The following ANK3 variants were observed in gnomAD, a reference collection of about 807,000 sequenced individuals.
The protein encoded by ANK3 is ankyrin-3.
A neutral mutation model predicts 370.9 loss-of-function variants in ANK3; 57 were observed. The observed-to-expected ratio is 0.15, with a 90% CI of 0.12 to 0.19. The LOEUF is 0.19. Ranked by LOEUF, ANK3 falls within the 10% of genes least tolerant of loss-of-function variation. ANK3 has a pLI of 1.00. For synonymous variants in ANK3, 1,929 were observed against 1,946.3 expected, an observed-to-expected ratio of 0.99 and a Z score of 0.23; for missense variants, 4,439 against 5,302.1, an observed-to-expected ratio of 0.84 and a Z score of 5.06.
At chr10:60,186,581 T>G (rs2096341160) in intron 17 of ANK3, 134 bp downstream of exon 17, 1 of 1,034,144 alleles carries the variant, frequency 9.7e-7, no homozygotes, top group Non-Finnish European at 1.5e-6. Context: ...AAGTAACACT[T>G]TGGTAAACAA....
intron 23 of ANK3, among the ~76,000 whole-genome samples, chr10:60,157,894 G>GAA (rs1239411020): frequency 1.3e-5 from 1 of 78,512 alleles, no homozygotes; most frequent in Non-Finnish European, 3.3e-5. Context: ...AAAAGAGAGA[G>GAA]AGAGAGAGAG....
chr10:60,105,410 C>A (rs959468596), intron 28 of ANK3, among the ~76,000 whole-genome samples: 1 of 152,044 alleles, frequency 6.6e-6, no homozygotes, highest in Non-Finnish European at 1.5e-5. Context: ...ACAACACAGA[C>A]CCCAATAATT....
intron 2 of ANK3, among the ~76,000 whole-genome samples, chr10:60,579,904 T>C (rs1567161627): frequency 6.6e-6 from 1 of 152,076 alleles, no homozygotes; most frequent in Non-Finnish European, 1.5e-5. Flanking sequence ...ATTCAGAAAA[T>C]CCTATAAGAA....
intron 2 of ANK3, among the ~76,000 whole-genome samples, chr10:60,414,516 G>A (rs1393993967): frequency 6.6e-6 from 1 of 152,152 alleles, no homozygotes; most frequent in African/African-American, 2.4e-5. Flanking sequence ...AACAAAAAAG[G>A]TGGTATATAC....
intron 1 of ANK3, among the ~76,000 whole-genome samples, chr10:60,307,855 G>A (rs1429348882): frequency 2.6e-5 from 4 of 152,242 alleles, no homozygotes; most frequent in Admixed American, 1.3e-4. Context: ...CACATGAAAC[G>A]CTGAGCCCCA....
rs148578650 is a variant in ANK3, at chr10:60,707,498, G to A, written c.57+25765C>T. Among the ~76,000 whole-genome samples, 376 of 152,062 alleles carry A rather than the reference G, an allele frequency of 2.5e-3. 1 individual carries two copies. The highest frequency in any genetic ancestry group is 8.8e-3 in the African/African-American group (364 of 41,500). ...ACACTATAATAATTAATAGAATGTG[G>A]CAGAACTACAGATACTCTGACTTGG... On this transcript the variant is annotated intron_variant, in intron 1 of 43. Coordinates refer to the ANK3 transcript ENST00000373827.
intron 25 of ANK3, among the ~76,000 whole-genome samples, chr10:60,129,568 A>T (rs2093954857): frequency 6.6e-6 from 1 of 152,228 alleles, no homozygotes; most frequent in African/African-American, 2.4e-5. Context: ...CCTGGGCAAC[A>T]TGGCAAAATT....
At chr10:60,414,072 T>C (rs186133232) in intron 2 of ANK3, among the ~76,000 whole-genome samples, 202 of 152,302 alleles carry the variant, frequency 1.3e-3, no homozygotes, top group African/African-American at 4.5e-3. Flanking sequence ...AGAGGAAATA[T>C]TGATATTACA....
At chr10:60,285,184 G>C (rs2098226014) in intron 1 of ANK3, among the ~76,000 whole-genome samples, 2 of 152,034 alleles carry the variant, frequency 1.3e-5, no homozygotes, top group Non-Finnish European at 2.9e-5. Flanking sequence ...AGTTTTCTCA[G>C]CTGTCAAATG....
At chr10:60,108,165 T>C in intron 27 of ANK3, 1 of 435,972 alleles carries the variant, frequency 2.3e-6, no homozygotes, top group Non-Finnish European at 4.6e-6. Context: ...AGACATTCTG[T>C]ATCTTGTCTA....
intron 2 of ANK3, among the ~76,000 whole-genome samples, chr10:60,492,066 A>G (rs2075521895): frequency 6.6e-6 from 1 of 152,192 alleles, no homozygotes; most frequent in Admixed American, 6.5e-5. Flanking sequence ...TTGTGTTATT[A>G]TCTTCTTACA....
At chr10:60,300,356 C>T in intron 1 of ANK3, 2 of 1,289,748 alleles carry the variant, frequency 1.6e-6, no homozygotes. Context: ...CACTGCCATT[C>T]TCTGTGGCCA....
At chr10:60,050,386 G>T (rs1253496288) in intron 42 of ANK3, among the ~76,000 whole-genome samples, 1 of 152,074 alleles carries the variant, frequency 6.6e-6, no homozygotes, top group Non-Finnish European at 1.5e-5. Flanking sequence ...ACTGTATTAG[G>T]GCAGATTTGG....
intron 25 of ANK3, among the ~76,000 whole-genome samples, chr10:60,132,813 C>CA (rs1343210524): frequency 5.3e-5 from 4 of 76,074 alleles, no homozygotes; most frequent in Admixed American, 4.9e-4. Context: ...GACGGGGTTT[C>CA]ACCACGTTGG....
chr10:60,048,726 C>CACAAACTCAA lies in ANK3; in HGVS notation c.13066-5968_13066-5967insTTGAGTTTGT, dbSNP rs1188349293. On this transcript the variant is annotated intron_variant, in intron 42 of 43. Coordinates refer to ENST00000280772, the MANE Select transcript of ANK3 (RefSeq NM_020987.5). ...TGGTTGAGTTTGTGCATGTGGAATG[C>CACAAACTCAA]CCAGATATGGAGGTCCAATTGTATA... 1.2e-3 allele frequency among the ~76,000 whole-genome samples: 175 copies of CACAAACTCAA among 152,156 alleles called. 2 individuals are homozygous for CACAAACTCAA. The East Asian group carries it at 0.033, about 29-fold the overall frequency.
intron 1 of ANK3, among the ~76,000 whole-genome samples, chr10:60,684,190 T>C (rs181336945): frequency 2.1e-3 from 326 of 152,260 alleles, no homozygotes; most frequent in Admixed American, 4.2e-3. Context: ...CAGTTTGACA[T>C]CTATGTTAAT....
chr10:60,043,305 C>G lies in ANK3; in HGVS notation c.13066-546G>C, dbSNP rs981618025. 49 of 985,274 alleles carry G rather than the reference C, an allele frequency of 5.0e-5. No homozygotes were observed. In the African/African-American group the frequency reaches 7.9e-4, roughly 16 times the overall value. 61.0% of individuals were successfully genotyped at this position (985,274 alleles called of 1,614,324 possible). A position where few individuals can be genotyped will look rare whatever the true frequency, so the allele number is the denominator to read the frequency against. On this transcript the variant is annotated intron_variant, in intron 42 of 43. Transcript: ENST00000280772. ...AGAGCAAGGTTGTGGCACAAATACT[C>G]AGTTTTTACCCAATTTTTAACAGAA...
chr10:60,560,603 AGG>A (rs1441733721), intron 2 of ANK3, among the ~76,000 whole-genome samples: 3 of 152,238 alleles, frequency 2.0e-5, no homozygotes, highest in Admixed American at 2.0e-4. Flanking sequence ...GGGTCAGAAC[AGG>A]GAACTTCAAA....
Position 60,180,531 on chromosome 10 carries a change from G to A in ANK3, c.2184+798C>T, listed in dbSNP as rs941140275. On this transcript the variant is annotated intron_variant, in intron 18 of 43. Transcript: ENST00000280772. ...GAATTGCTTGAACGTGGGAGGTGGA[G>A]GTTGCAGTGAGCCGAGGTCAAGCCA... Among the ~76,000 whole-genome samples the A allele has an allele frequency of 2.1e-4, 29 of 139,486 alleles. No homozygotes were observed. In the Middle Eastern group the frequency reaches 0.018, roughly 87 times the overall value. The allele number at this position is 139,486 out of a possible 152,430, so 91.5% of individuals were successfully genotyped here. A position where few individuals can be genotyped will look rare whatever the true frequency, so the allele number is the denominator to read the frequency against.
Sources: gnomAD v4.1 joint callset for allele counts (sites outside exome capture counted in the v4.1 genomes callset) on GRCh38, gnomAD v4.1.1 for gene constraint, MANE v1.5 for transcripts, NCBI Gene and HGNC (gene_info 2026-07-23, HGNC 2026-07-21) for gene names.